Variants in FBXL17 observed in about 807,000 individuals in gnomAD.
The protein encoded by FBXL17 is F-box and leucine rich repeat protein 17.
FBXL17 carries 22 observed loss-of-function variants against 66.2 expected under a neutral mutation model. That is an observed-to-expected ratio of 0.33 (90% CI 0.24 to 0.47). The LOEUF is 0.47. FBXL17 is among the 20% of genes least tolerant of loss of function. The pLI, the probability that FBXL17 is intolerant of heterozygous loss-of-function variation, is 1.00. For missense variants in FBXL17, 878 were observed against 948.2 expected, an observed-to-expected ratio of 0.93 and a Z score of 0.97; for synonymous variants, 474 against 400.5, an observed-to-expected ratio of 1.18 and a Z score of -2.19.
chr5:108,269,757 A>G (rs1285145084), intron 4 of FBXL17, among the ~76,000 whole-genome samples: 1 of 152,234 alleles, frequency 6.6e-6, no homozygotes, highest in Admixed American at 6.5e-5. Flanking sequence ...TGGAATCCAT[A>G]GTACCTAAGA....
chr5:108,181,657 T>C (rs1753006903), intron 6 of FBXL17, among the ~76,000 whole-genome samples: 1 of 152,192 alleles, frequency 6.6e-6, no homozygotes, highest in Non-Finnish European at 1.5e-5. Context: ...CTGAAATTTA[T>C]CTTAATGTGA....
In FBXL17 at chr5:108,230,271, G is replaced by A. The variant is rs191981902; in HGVS notation, c.1507-6043C>T. On this transcript the variant is annotated intron_variant, in intron 4 of 8. Transcript: ENST00000542267. ...TTATATGAAAAAGATACTTGCACAC[G>A]CATGTTTATGGAAACACAATTCACA... Among the ~76,000 whole-genome samples, 9 of 152,232 alleles carry A rather than the reference G, an allele frequency of 5.9e-5. No homozygotes were observed. The East Asian group carries it at 1.3e-3, about 23-fold the overall frequency.
Position 107,861,038 on chromosome 5 carries a change from G to A in FBXL17, c.*682C>T, listed in dbSNP as rs1748106042. 1 of 152,192 alleles carries A rather than the reference G, an allele frequency of 6.6e-6. No individual in the cohort carries two copies. Among genetic ancestry groups the A allele is most frequent in the African/African-American group, 2.4e-5 (1 of 41,434 alleles). The allele number at this position is 152,192 out of a possible 1,614,324, so 9.4% of individuals were successfully genotyped here. ...AATGTATAATTAACTTTCGTGAGCT[G>A]GCCAGGAGAGTTCAGACTGTTGCCT... On this transcript the variant is annotated 3_prime_UTR_variant, in exon 9 of 9. Coordinates refer to ENST00000542267, the MANE Select transcript of FBXL17 (RefSeq NM_001163315.3).
At chr5:108,236,441 A>C (rs1403130397) in intron 4 of FBXL17, among the ~76,000 whole-genome samples, 1 of 151,990 alleles carries the variant, frequency 6.6e-6, no homozygotes. Context: ...TGAGCCTGGG[A>C]AGTGGAGGTT....
chr5:108,245,111 T>G (rs979204344), intron 4 of FBXL17, among the ~76,000 whole-genome samples: 3 of 152,122 alleles, frequency 2.0e-5, no homozygotes, highest in Admixed American at 2.0e-4. Flanking sequence ...CATATAGATA[T>G]GAATAGACTT....
chr5:108,021,085 T>G, intron 6 of FBXL17, 84 bp from the exon 7 acceptor site: 1 of 917,334 alleles, frequency 1.1e-6, no homozygotes, highest in Non-Finnish European at 1.8e-6. Context: ...AGGTCAGTAT[T>G]TGGTGAATGC....
intron 8 of FBXL17, among the ~76,000 whole-genome samples, chr5:107,871,069 A>AAAC (rs1554080840): frequency 1.5e-5 from 2 of 130,234 alleles, no homozygotes; most frequent in South Asian, 2.3e-4. Flanking sequence ...AAAAAAAAAA[A>AAAC]AAAAAAAAAA....
At chr5:108,141,483 G>A (rs1485133730) in intron 6 of FBXL17, among the ~76,000 whole-genome samples, 7 of 152,142 alleles carry the variant, frequency 4.6e-5, no homozygotes, top group Admixed American at 2.0e-4. Context: ...TAACCCCAGA[G>A]TCTCAAACCA....
At chr5:108,034,049 G>T (rs954732548) in intron 6 of FBXL17, among the ~76,000 whole-genome samples, 1 of 152,024 alleles carries the variant, frequency 6.6e-6, no homozygotes, top group African/African-American at 2.4e-5. Flanking sequence ...ATAGCTTTCT[G>T]GGCCCAGATA....
intron 5 of FBXL17, among the ~76,000 whole-genome samples, chr5:108,206,571 TC>T (rs1279599786): frequency 6.6e-6 from 1 of 152,172 alleles, no homozygotes; most frequent in African/African-American, 2.4e-5. Context: ...ACTGGTGGGC[TC>T]TTTGTAACTT....
chr5:108,369,491 G>A (rs938790044), intron 1 of FBXL17, among the ~76,000 whole-genome samples: 7 of 152,112 alleles, frequency 4.6e-5, no homozygotes, highest in African/African-American at 1.4e-4. Context: ...ATTTTACAGA[G>A]TTTGACTGCT....
chr5:108,244,928 C>A (rs866782551), intron 4 of FBXL17, among the ~76,000 whole-genome samples: 1 of 152,128 alleles, frequency 6.6e-6, no homozygotes, highest in Middle Eastern at 3.4e-3. Flanking sequence ...TTGAATATGG[C>A]AGCATATTCT....
At chr5:108,299,247 A>C in intron 4 of FBXL17, 1 of 985,240 alleles carries the variant, frequency 1.0e-6, no homozygotes, top group East Asian at 1.1e-4. Context: ...ATCTGCACCT[A>C]GTTTAAAGCG....
chr5:108,080,112 T>C (rs1216166848), intron 6 of FBXL17, among the ~76,000 whole-genome samples: 4 of 152,212 alleles, frequency 2.6e-5, no homozygotes, highest in Non-Finnish European at 4.4e-5. Flanking sequence ...ACTGTGAATA[T>C]GGCTGATGGA....
chr5:108,311,678 A>G (rs1759123611), intron 4 of FBXL17, among the ~76,000 whole-genome samples: 1 of 152,144 alleles, frequency 6.6e-6, no homozygotes, highest in Admixed American at 6.5e-5. Context: ...CATTCTGCAT[A>G]AGCTCATGGA....
intron 6 of FBXL17, among the ~76,000 whole-genome samples, chr5:108,101,177 C>A (rs1340710011): frequency 6.6e-6 from 1 of 152,204 alleles, no homozygotes; most frequent in African/African-American, 2.4e-5. Flanking sequence ...CATTGAAGAA[C>A]CTCTTCAGAG....
intron 6 of FBXL17, among the ~76,000 whole-genome samples, chr5:108,181,566 C>T (rs542098408): frequency 1.3e-5 from 2 of 152,172 alleles, no homozygotes; most frequent in East Asian, 3.9e-4. Context: ...ACATATTTTA[C>T]AATTTTGAAC....
chr5:108,154,616 TACACAC>T (rs768615062), intron 6 of FBXL17, among the ~76,000 whole-genome samples: 1,807 of 96,250 alleles, frequency 0.019, 40 homozygotes, highest in Middle Eastern at 0.029. Context: ...AATATATATA[TACACAC>T]ACACACACAC....
intron 6 of FBXL17, among the ~76,000 whole-genome samples, chr5:108,156,059 G>A (rs1261016121): frequency 6.6e-6 from 1 of 152,086 alleles, no homozygotes; most frequent in Non-Finnish European, 1.5e-5. Context: ...CAGATTAGCT[G>A]AGGACAGTCT....
Sources: gnomAD v4.1 joint callset for allele counts (sites outside exome capture counted in the v4.1 genomes callset) on GRCh38, gnomAD v4.1.1 for gene constraint, MANE v1.5 for transcripts, NCBI Gene and HGNC (gene_info 2026-07-23, HGNC 2026-07-21) for gene names.